MYCBP2: variants seen among roughly 807,000 people sequenced by gnomAD.
MYCBP2 encodes the protein E3 ubiquitin-protein ligase MYCBP2.
In MYCBP2, 120 loss-of-function variants were observed where a neutral mutation model predicts 525.3. The ratio of observed to expected loss-of-function variants is 0.23; its 90% CI spans 0.20 to 0.27. The LOEUF is 0.27. Ranked by LOEUF, MYCBP2 falls within the 10% of genes least tolerant of loss-of-function variation. The probability of loss-of-function intolerance (pLI) is 1.00; values close to 1 mark genes in which losing one functional copy is unlikely to be tolerated. For missense variants in MYCBP2, 4,149 were observed against 5,657.1 expected, an observed-to-expected ratio of 0.73 and a Z score of 8.55; for synonymous variants, 1,894 against 1,955.8, an observed-to-expected ratio of 0.97 and a Z score of 0.83.
Position 77,294,131 on chromosome 13 carries a change from C to CATATATATATATACAT in MYCBP2, c.378+2467_378+2468insATGTATATATATATAT. ...ATATATATATATATATATATATATACATATATATATACATATATATAAAAT... is the reference window on the plus strand; with the variant it reads ...ATATATATATATATATATATATATACATATATATATATACATATATATATATACATATATATAAAAT... On this transcript the variant is annotated intron_variant, in intron 2 of 82. Coordinates refer to ENST00000544440, the MANE Select transcript of MYCBP2 (RefSeq NM_015057.5). 2.0e-3 allele frequency among the ~76,000 whole-genome samples: 133 copies of CATATATATATATACAT among 65,706 alleles called. 6 individuals are homozygous for CATATATATATATACAT. Among genetic ancestry groups the CATATATATATATACAT allele is most frequent in the African/African-American group, 4.9e-3 (92 of 18,890 alleles). The allele number at this position is 65,706 out of a possible 152,430, so 43.1% of individuals were successfully genotyped here. A position where few individuals can be genotyped will look rare whatever the true frequency, so the allele number is the denominator to read the frequency against.
intron 18 of MYCBP2, among the ~76,000 whole-genome samples, chr13:77,226,071 G>A (rs2066224137): frequency 6.6e-6 from 1 of 152,146 alleles, no homozygotes; most frequent in Non-Finnish European, 1.5e-5. Context: ...TTTTCAAAAT[G>A]TATAAAGACC....
At chr13:77,056,898 C>G (rs1003631758) in intron 79 of MYCBP2, 88 bp downstream of exon 79, 2 of 1,011,638 alleles carry the variant, frequency 2.0e-6, no homozygotes, top group Non-Finnish European at 3.0e-6. Flanking sequence ...TGGGTAAAAC[C>G]AAGAGATACT....
At chr13:77,218,802 A>G (rs888019317) in intron 20 of MYCBP2, among the ~76,000 whole-genome samples, 30 of 152,294 alleles carry the variant, frequency 2.0e-4, no homozygotes, top group African/African-American at 7.2e-4. Flanking sequence ...AAACACAACC[A>G]TTATAGAAAT....
chr13:77,174,211 A>T, intron 37 of MYCBP2, 100 bp downstream of exon 37: 1 of 1,040,510 alleles, frequency 9.6e-7, no homozygotes, highest in Non-Finnish European at 1.4e-6. Flanking sequence ...TACACTGTAC[A>T]ATTTAATTAT....
At position 77,161,950 on chromosome 13, in the gene MYCBP2, C is replaced by T; in HGVS notation, c.6553G>A (p.Glu2185Lys). Reference sequence around the variant, plus strand: ...AGAATTTCAAGGTCTTCTTCTAATTCATTACCTGTTGTGTAAATAAAGAGT... The same window carrying T: ...AGAATTTCAAGGTCTTCTTCTAATTTATTACCTGTTGTGTAAATAAAGAGT... ...KKDLALPIGN[E>K]LEEDLEILEE... The change falls in exon 44 of 83, where the codon GAA becomes AAA. Residue 2185 changes from glutamate (E) to lysine (K), a missense_variant. Glu to Lys is a moderately conservative substitution (Grantham distance 56). Transcript: ENST00000544440. The T allele has an allele frequency of 6.2e-7, 1 of 1,602,148 alleles. No individual in the cohort carries two copies. The highest frequency in any genetic ancestry group is 8.5e-7 in the Non-Finnish European group (1 of 1,172,162).
intron 42 of MYCBP2, 123 bp from the exon 43 acceptor site, chr13:77,164,664 G>T (rs1050333837): frequency 1.5e-6 from 1 of 681,388 alleles, no homozygotes; most frequent in Non-Finnish European, 2.6e-6. Context: ...TGAAGCTAAT[G>T]GTTAAATTGA....
rs747753685 is a variant in MYCBP2, at chr13:77,126,212, C to T, written c.7884+106G>A. The T allele has an allele frequency of 3.2e-5, 27 of 842,368 alleles. No individual in the cohort carries two copies. The Admixed American group carries it at 7.1e-4, about 22-fold the overall frequency. 52.2% of individuals were successfully genotyped at this position (842,368 alleles called of 1,614,324 possible). A position where few individuals can be genotyped will look rare whatever the true frequency, so the allele number is the denominator to read the frequency against. On this transcript the variant is annotated intron_variant, in intron 53 of 82. Transcript: ENST00000544440. Reference sequence around the variant, plus strand: ...TACAAGTAAAGATAAAATACATTAACATTGAAAAACCTGTGGTAGAAATGG... The same window carrying T: ...TACAAGTAAAGATAAAATACATTAATATTGAAAAACCTGTGGTAGAAATGG...
chr13:77,082,202 G>T (rs1373323400), intron 63 of MYCBP2: 9 of 459,334 alleles, frequency 2.0e-5, no homozygotes, highest in Non-Finnish European at 3.0e-5. Context: ...TAAATTCTAA[G>T]GAAAGTTGAC....
intron 73 of MYCBP2, among the ~76,000 whole-genome samples, chr13:77,063,985 C>A (rs2154076221): frequency 6.6e-6 from 1 of 152,288 alleles, no homozygotes; most frequent in African/African-American, 2.4e-5. Flanking sequence ...TACCAGCATT[C>A]ACTTCTTCCT....
intron 18 of MYCBP2, among the ~76,000 whole-genome samples, chr13:77,227,467 CACACACACACACAT>C (rs1005081801): frequency 1.8e-4 from 20 of 111,702 alleles, no homozygotes; most frequent in African/African-American, 6.8e-4. Context: ...AAAGCCTACA[CACACACACACACAT>C]ACACACACAC....
At chr13:77,093,442 G>T in intron 58 of MYCBP2, 110 bp from the exon 59 acceptor site, 4 of 908,116 alleles carry the variant, frequency 4.4e-6, no homozygotes, top group Non-Finnish European at 6.6e-6. Flanking sequence ...ATAGTTAAAG[G>T]CAAAGCATTA....
chr13:77,299,947 C>T (rs958477122), intron 1 of MYCBP2, among the ~76,000 whole-genome samples: 2 of 152,138 alleles, frequency 1.3e-5, no homozygotes, highest in African/African-American at 4.8e-5. Flanking sequence ...AAATCAAATA[C>T]TTCTGCAATA....
At chr13:77,080,040 AAGATAGCTTTGCACTGAAC>A (rs1188239960) in intron 65 of MYCBP2, among the ~76,000 whole-genome samples, 1 of 152,240 alleles carries the variant, frequency 6.6e-6, no homozygotes, top group African/African-American at 2.4e-5. Context: ...CCATGAGCCA[AAGATAGCTTTGCACTGAAC>A]AGTGAGTTCT....
chr13:77,048,436 TGA>T (rs893299138), intron 82 of MYCBP2, among the ~76,000 whole-genome samples: 1 of 152,216 alleles, frequency 6.6e-6, no homozygotes, highest in Non-Finnish European at 1.5e-5. Context: ...TTAACAGGGT[TGA>T]GAGTGGTTAG....
chr13:77,276,816 G>GTTTTTTTTTTT (rs397851660), intron 4 of MYCBP2, among the ~76,000 whole-genome samples: 10 of 76,218 alleles, frequency 1.3e-4, no homozygotes, highest in African/African-American at 5.7e-4. Context: ...TCCATGCCCA[G>GTTTTTTTTTTT]TTTTTTTTTT....
chr13:77,135,498 C>T (rs983897063), intron 52 of MYCBP2, among the ~76,000 whole-genome samples: 4 of 152,178 alleles, frequency 2.6e-5, no homozygotes, highest in Admixed American at 6.5e-5. Flanking sequence ...GTACTGACTG[C>T]GTAAGGGGTC....
chr13:77,261,902 A>G, intron 11 of MYCBP2, 151 bp downstream of exon 11: 1 of 603,334 alleles, frequency 1.7e-6, no homozygotes, highest in Non-Finnish European at 2.7e-6. Context: ...CCCTACATGA[A>G]TAAAATTTTA....
chr13:77,176,062 A>AAAGACGG (rs1218080332), intron 36 of MYCBP2, among the ~76,000 whole-genome samples: 1 of 151,862 alleles, frequency 6.6e-6, no homozygotes, highest in Non-Finnish European at 1.5e-5. Flanking sequence ...TAAGAGAAGA[A>AAAGACGG]AAGACAGGAG....
At chr13:77,128,271 T>A (rs2052059173) in intron 52 of MYCBP2, among the ~76,000 whole-genome samples, 1 of 151,852 alleles carries the variant, frequency 6.6e-6, no homozygotes, top group African/African-American at 2.4e-5. Flanking sequence ...AATAAATACA[T>A]CATGCCATTT....
Sources: gnomAD v4.1 joint callset for allele counts (sites outside exome capture counted in the v4.1 genomes callset) on GRCh38, gnomAD v4.1.1 for gene constraint, MANE v1.5 for transcripts, NCBI Gene and HGNC (gene_info 2026-07-23, HGNC 2026-07-21) for gene names.